TRPS1: variants seen among roughly 807,000 people sequenced by gnomAD.
TRPS1 encodes the protein transcriptional repressor GATA binding 1.
Under a neutral mutation model 101.2 loss-of-function variants are expected in TRPS1, and 6 were observed. That is an observed-to-expected ratio of 0.06 (90% CI 0.03 to 0.12). The LOEUF is 0.12. TRPS1 is among the 10% of genes least tolerant of loss of function. TRPS1 has a pLI of 1.00. For synonymous variants in TRPS1, 578 were observed against 589.8 expected, an observed-to-expected ratio of 0.98 and a Z score of 0.29; for missense variants, 1,363 against 1,567.0, an observed-to-expected ratio of 0.87 and a Z score of 2.20.
intron 1 of TRPS1, among the ~76,000 whole-genome samples, chr8:115,630,090 A>G (rs1012432691): frequency 7.2e-5 from 11 of 152,128 alleles, no homozygotes; most frequent in African/African-American, 2.6e-4. Context: ...AAACTGAAAC[A>G]GGTAATTAAA....
intron 5 of TRPS1, chr8:115,509,543 TC>T (rs1815528807): frequency 6.6e-6 from 1 of 152,022 alleles, no homozygotes; most frequent in Non-Finnish European, 1.5e-5. Flanking sequence ...AATTTTCTAA[TC>T]ATCTGCAATG....
chr8:115,524,776 CTAA>C (rs1400179828), intron 5 of TRPS1, among the ~76,000 whole-genome samples: 2 of 151,972 alleles, frequency 1.3e-5, no homozygotes, highest in Non-Finnish European at 2.9e-5. Context: ...GAAAAAAAAT[CTAA>C]TGATGTATGA....
intron 5 of TRPS1, among the ~76,000 whole-genome samples, chr8:115,506,663 T>C (rs1171517079): frequency 3.3e-5 from 5 of 152,150 alleles, no homozygotes; most frequent in Non-Finnish European, 7.4e-5. Context: ...TCTTTAAAAC[T>C]ACTTGGCAGT....
At position 115,580,245 on chromosome 8, in the gene TRPS1, AATAT is replaced by A. The variant is rs1554591593; in HGVS notation, c.2700+6752_2700+6755del. Among the ~76,000 whole-genome samples, 26 of 139,862 alleles carry A rather than the reference AATAT, an allele frequency of 1.9e-4. 1 individual carries two copies. The highest frequency in any genetic ancestry group is 2.4e-4 in the Non-Finnish European group (16 of 65,406). The allele number at this position is 139,862 out of a possible 152,430, so 91.8% of individuals were successfully genotyped here. A position where few individuals can be genotyped will look rare whatever the true frequency, so the allele number is the denominator to read the frequency against. Reference sequence around the variant, plus strand: ...TGGAAGGGAGAGAAGAAAAAAAAAAAATATATATATATATATATATGAGAGACAA... The same window carrying A: ...TGGAAGGGAGAGAAGAAAAAAAAAAAATATATATATATATATGAGAGACAA... On this transcript the variant is annotated intron_variant, in intron 5 of 6. Coordinates refer to ENST00000395715, the MANE Select transcript of TRPS1 (RefSeq NM_014112.5).
rs749423453 is a variant in TRPS1 at position 115,414,406 on chromosome 8, C to A, written c.3502G>T (p.Ala1168Ser). 2.0e-5 allele frequency: 33 copies of A among 1,613,810 alleles called. No individual in the cohort carries two copies. Among genetic ancestry groups the A allele is most frequent in the Non-Finnish European group, 2.7e-5 (32 of 1,179,956 alleles). Residue 1168 changes from alanine (A) to serine (S), a missense_variant, in exon 7 of 7, where the codon GCT (alanine) becomes TCT (serine). Physicochemically the swap from Ala to Ser is moderately conservative, Grantham distance 99. This residue lies in a region of TRPS1 where 307 missense variants were observed against 392.4 expected (regional missense o/e 0.78). Coordinates refer to ENST00000395715, the MANE Select transcript of TRPS1 (RefSeq NM_014112.5). The surrounding 1 kb of genome is among the most constrained non-coding windows in gnomAD (Gnocchi z 4.8). Reference sequence around the variant, plus strand: ...GGAATGTCATTGTCTGATCCAACAGCTGAAAAATGAGGAGGCAGATTGAAG... The same window carrying A: ...GGAATGTCATTGTCTGATCCAACAGATGAAAAATGAGGAGGCAGATTGAAG... ...PTFNLPPHFSAVGSDNDIPLD... is the reference protein window; with the variant it reads ...PTFNLPPHFSSVGSDNDIPLD...
chr8:115,604,501 T>C lies in TRPS1; in HGVS notation c.1468A>G (p.Arg490Gly), dbSNP rs1314031779. The stretch of plus-strand genomic sequence containing the variant: ...TCATTCTGATTAATGACAGAGCCCC[T>C]GGAAAGCTTATCATTTAACTCTGGA... ...LNPELNDKLS[R>G]GSVINQNDLA... Residue 490 changes from arginine (R) to glycine (G), a missense_variant, in exon 4 of 7, where the codon AGG becomes GGG. Transcript: ENST00000395715. This position sits in a 1 kb window ranked among gnomAD's most constrained non-coding sequence, Gnocchi z 4.1. The C allele has an allele frequency of 1.2e-6, 2 of 1,613,992 alleles. No homozygotes were observed. Among genetic ancestry groups the C allele is most frequent in the East Asian group, 2.2e-5 (1 of 44,886 alleles).
At chr8:115,633,190 G>A (rs1037021428) in intron 1 of TRPS1, among the ~76,000 whole-genome samples, 6 of 151,990 alleles carry the variant, frequency 3.9e-5, no homozygotes, top group African/African-American at 7.3e-5. Flanking sequence ...GGTAAAAGAA[G>A]GAAGAGAAGA....
At chr8:115,556,492 A>G (rs994361801) in intron 5 of TRPS1, among the ~76,000 whole-genome samples, 1 of 152,122 alleles carries the variant, frequency 6.6e-6, no homozygotes, top group African/African-American at 2.4e-5. Flanking sequence ...ATTCAAAACC[A>G]TGGTCCTTTA....
Sources: allele counts gnomAD v4.1 joint callset (sites outside exome capture counted in the v4.1 genomes callset), GRCh38; gene constraint gnomAD v4.1.1; regional missense constraint gnomAD v4.1.1; non-coding constraint Gnocchi (gnomAD v3.1); transcripts MANE v1.5; gene names NCBI Gene and HGNC (gene_info 2026-07-23, HGNC 2026-07-21).